Variants in KIAA0586 observed in about 807,000 individuals in gnomAD.
KIAA0586 encodes KIAA0586, also known as protein TALPID3.
KIAA0586 carries 144 observed loss-of-function variants against 169.8 expected under a neutral mutation model. That is an observed-to-expected ratio of 0.85 (90% CI 0.74 to 0.97). The LOEUF is 0.97. Ranked by LOEUF, KIAA0586 falls within the 50% of genes least tolerant of loss-of-function variation. The pLI is 0.00. For synonymous variants in KIAA0586, 625 were observed against 612.4 expected, an observed-to-expected ratio of 1.02 and a Z score of -0.30; for missense variants, 1,854 against 1,823.0, an observed-to-expected ratio of 1.02 and a Z score of -0.31.
chr14:58,539,401 TTGAC>T (rs1161930532), intron 29 of KIAA0586, among the ~76,000 whole-genome samples: 2 of 152,198 alleles, frequency 1.3e-5, no homozygotes, highest in African/African-American at 2.4e-5. Context: ...AGGTTGTTAA[TTGAC>T]TGTACTTCAC....
chr14:58,487,952 C>A lies in KIAA0586; in HGVS notation c.3370C>A (p.Pro1124Thr), dbSNP rs1463751624. The stretch of plus-strand genomic sequence containing the variant: ...AGTTACCCCTACTACTACACCTCCT[C>A]CAGCGGCGGCAGTTTTTACCCCAAC... ...PTVTPTTTPP[P>T]AAAVFTPTLS... The change falls in exon 23 of 31, where the codon CCA becomes ACA. Residue 1124 changes from proline to threonine, a missense_variant. Transcript: ENST00000652326. 6.2e-7 allele frequency: 1 copy of A among 1,613,774 alleles called. No homozygotes were observed. The highest frequency in any genetic ancestry group is 8.5e-7 in the Non-Finnish European group (1 of 1,179,824).
At chr14:58,535,063 A>G (rs1200788958) in intron 29 of KIAA0586, among the ~76,000 whole-genome samples, 5 of 152,198 alleles carry the variant, frequency 3.3e-5, no homozygotes, top group South Asian at 2.1e-4. Flanking sequence ...CTGACTTCCA[A>G]CAACCTAGAT....
rs1387489790 is a variant in KIAA0586, at chr14:58,427,985, G to C, written c.-280G>C. ...CAGCTCTGGGGTTGGGGAGTGCACT[G>C]TTATGGTTATTGTTGCTCCTGTGGC... On this transcript the variant is annotated 5_prime_UTR_variant, in exon 1 of 31. Transcript: ENST00000652326. 1 of 1,423,032 alleles carries C rather than the reference G, an allele frequency of 7.0e-7. No individual in the cohort carries two copies. 88.2% of individuals were successfully genotyped at this position (1,423,032 alleles called of 1,614,324 possible). A position where few individuals can be genotyped will look rare whatever the true frequency, so the allele number is the denominator to read the frequency against.
rs2047182501 is a variant in KIAA0586, at chr14:58,550,771, C to T, written c.*2839C>T. On this transcript the variant is annotated 3_prime_UTR_variant, in exon 31 of 31. Transcript: ENST00000652326. The stretch of plus-strand genomic sequence containing the variant: ...ATCGCTTGAGCCCAGGATGTCAAGA[C>T]TGCAGTGAGCCGTGGTTGTGCCACT... The T allele has an allele frequency of 6.6e-6, 1 of 150,556 alleles. No individual in the cohort carries two copies. The highest frequency in any genetic ancestry group is 1.5e-5 in the Non-Finnish European group (1 of 67,970). The allele number at this position is 150,556 out of a possible 1,614,324, so 9.3% of individuals were successfully genotyped here. A position where few individuals can be genotyped will look rare whatever the true frequency, so the allele number is the denominator to read the frequency against.
At chr14:58,461,277 C>G in intron 14 of KIAA0586, 117 bp downstream of exon 14, 2 of 605,606 alleles carry the variant, frequency 3.3e-6, no homozygotes, top group Non-Finnish European at 5.2e-6. Context: ...TTATATGATG[C>G]TTGGGGATGG....
chr14:58,492,334 A>C, intron 26 of KIAA0586, 59 bp downstream of exon 26: 2 of 1,452,812 alleles, frequency 1.4e-6, no homozygotes, highest in South Asian at 1.4e-5. Flanking sequence ...AAAAAATTAA[A>C]ATATTCTTAC....
chr14:58,512,149 G>A (rs2044434240), intron 28 of KIAA0586, among the ~76,000 whole-genome samples: 1 of 152,096 alleles, frequency 6.6e-6, no homozygotes, highest in African/African-American at 2.4e-5. Context: ...TGCAAAAAGT[G>A]GTTATATGGA....
At chr14:58,542,166 T>C (rs2140112101) in intron 30 of KIAA0586, among the ~76,000 whole-genome samples, 1 of 152,306 alleles carries the variant, frequency 6.6e-6, no homozygotes, top group African/African-American at 2.4e-5. Context: ...ATTTAGCTTG[T>C]GTAAATGAAT....
intron 8 of KIAA0586, among the ~76,000 whole-genome samples, chr14:58,452,552 G>T (rs180720739): frequency 1.6e-4 from 24 of 152,288 alleles, no homozygotes; most frequent in Admixed American, 1.3e-3. Flanking sequence ...GTACTTTGAA[G>T]AAATAGATAA....
In KIAA0586 at chr14:58,431,257, GAT is replaced by G. The variant is rs1253427290; in HGVS notation, c.340+543_340+544del. On this transcript the variant is annotated intron_variant, in intron 3 of 30. Coordinates refer to ENST00000652326, the MANE Select transcript of KIAA0586 (RefSeq NM_001329943.3). Reference sequence around the variant, plus strand: ...AACCTATTGCAGAGGTTTAGTATTAGATATGTTTATAAATTTTTTTTTTGAGA... The same window carrying G: ...AACCTATTGCAGAGGTTTAGTATTAGATGTTTATAAATTTTTTTTTTGAGA... 2.6e-5 allele frequency among the ~76,000 whole-genome samples: 4 copies of G among 152,110 alleles called. No homozygotes were observed. The East Asian group carries it at 7.7e-4, about 29-fold the overall frequency.
At chr14:58,453,607 T>A (rs2039581840) in intron 9 of KIAA0586, 134 bp downstream of exon 9, 2 of 579,206 alleles carry the variant, frequency 3.5e-6, no homozygotes, top group Non-Finnish European at 5.8e-6. Context: ...TATTTTTTGA[T>A]GCTAATATAT....
chr14:58,559,500 T>G, the KIAA0586 span, among the ~76,000 whole-genome samples: 1 of 152,224 alleles, frequency 6.6e-6, no homozygotes, highest in Admixed American at 6.5e-5. Context: ...TTCAAACAAC[T>G]GGTTTTTATA....
intron 17 of KIAA0586, among the ~76,000 whole-genome samples, chr14:58,471,008 C>T (rs1016966443): frequency 2.1e-4 from 32 of 152,026 alleles, no homozygotes; most frequent in African/African-American, 6.0e-4. Context: ...CCTGCCACCA[C>T]GCCCGGCTAA....
chr14:58,451,736 T>C (rs550442790), intron 8 of KIAA0586, among the ~76,000 whole-genome samples: 37 of 151,950 alleles, frequency 2.4e-4, no homozygotes, highest in Non-Finnish European at 4.9e-4. Context: ...CGGGCTGGAG[T>C]GCAGTGGCAC....
Position 58,483,964 on chromosome 14 carries a change from G to C in KIAA0586, c.3144+1252G>C, listed in dbSNP as rs1595316288. On this transcript the variant is annotated intron_variant, in intron 21 of 30. Transcript: ENST00000652326. ...TTGATCTGTGCTTTATTAGCTCATT[G>C]GGAATATATGCAGTACAGATGTGGT... is the stretch of plus-strand genomic sequence containing the variant. 2.0e-5 allele frequency among the ~76,000 whole-genome samples: 3 copies of C among 152,096 alleles called. No homozygotes were observed. The East Asian group carries it at 5.8e-4, about 29-fold the overall frequency.
chr14:58,432,451 A>G lies in KIAA0586; in HGVS notation c.404A>G (p.Lys135Arg). The G allele has an allele frequency of 2.0e-6, 3 of 1,528,132 alleles. No individual in the cohort carries two copies. The highest frequency in any genetic ancestry group is 2.7e-6 in the Non-Finnish European group (3 of 1,121,402). 94.7% of individuals were successfully genotyped at this position (1,528,132 alleles called of 1,614,324 possible). Residue 135 changes from lysine to arginine, a missense_variant, in exon 4 of 31, where the codon AAG (lysine) becomes AGG (arginine). Transcript: ENST00000652326. ...AAAGATGCTCTAAGAACAGTTTTAA[A>G]GCAAAAGTAAGTTTCATTTACAGAA... is the stretch of plus-strand genomic sequence containing the variant. ...GQKDALRTVL[K>R]QKAQSMPVFK...
intron 4 of KIAA0586, among the ~76,000 whole-genome samples, chr14:58,442,299 G>A (rs950159562): frequency 9.2e-5 from 14 of 152,146 alleles, no homozygotes; most frequent in African/African-American, 2.2e-4. Flanking sequence ...TAGTAGAGAC[G>A]GGGTTTCGCC....
At position 58,490,191 on chromosome 14, in the gene KIAA0586, C is replaced by T; in HGVS notation, c.3809C>T (p.Thr1270Ile). The T allele has an allele frequency of 6.5e-7, 1 of 1,529,900 alleles. No homozygotes were observed. Among genetic ancestry groups the T allele is most frequent in the Non-Finnish European group, 8.9e-7 (1 of 1,129,072 alleles). 94.8% of individuals were successfully genotyped at this position (1,529,900 alleles called of 1,614,324 possible). Reference protein sequence around the residue: ...KILEDIGLYLTNLNDSLSSTL... With the variant: ...KILEDIGLYLINLNDSLSSTL... Reference sequence around the variant, plus strand: ...TTAGAAGATATAGGACTGTACCTGACAAACCTTAATGATAGCTTATCCAGC... The same window carrying T: ...TTAGAAGATATAGGACTGTACCTGATAAACCTTAATGATAGCTTATCCAGC... The change falls in exon 25 of 31, where the codon ACA becomes ATA. Residue 1270 changes from threonine to isoleucine, a missense_variant. Physicochemically the swap from Thr to Ile is moderately conservative, Grantham distance 89. Transcript: ENST00000652326.
At chr14:58,537,890 T>G (rs1410358141) in intron 29 of KIAA0586, among the ~76,000 whole-genome samples, 18 of 152,238 alleles carry the variant, frequency 1.2e-4, no homozygotes, top group Non-Finnish European at 2.4e-4. Flanking sequence ...CTCCTGATCT[T>G]CCCACCTTGG....
Sources: gnomAD v4.1 joint callset for allele counts (sites outside exome capture counted in the v4.1 genomes callset) on GRCh38, gnomAD v4.1.1 for gene constraint, MANE v1.5 for transcripts, NCBI Gene and HGNC (gene_info 2026-07-23, HGNC 2026-07-21) for gene names.